Variants in PLCG2 observed in about 807,000 individuals in gnomAD.
PLCG2 encodes the protein 1-phosphatidylinositol 4,5-bisphosphate phosphodiesterase gamma-2.
PLCG2 carries 69 observed loss-of-function variants against 175.6 expected under a neutral mutation model. The observed-to-expected ratio is 0.39, with a 90% CI of 0.32 to 0.48. The LOEUF is 0.48. PLCG2 is among the 20% of genes least tolerant of loss of function. The pLI, the probability that PLCG2 is intolerant of heterozygous loss-of-function variation, is 0.91. For synonymous variants in PLCG2, 827 were observed against 624.0 expected (o/e 1.33, Z -4.85); for missense variants, 1,798 against 1,650.9 (o/e 1.09, Z -1.54).
intron 19 of PLCG2, among the ~76,000 whole-genome samples, chr16:81,913,167 T>C (rs190323307): frequency 1.6e-4 from 24 of 152,322 alleles, no homozygotes; most frequent in Admixed American, 1.5e-3. Context: ...CCTGTGGTTC[T>C]CTAATGTTAC....
chr16:81,765,850 C>T (rs1910138509), intron 2 of PLCG2, among the ~76,000 whole-genome samples: 1 of 152,182 alleles, frequency 6.6e-6, no homozygotes, highest in Non-Finnish European at 1.5e-5. Flanking sequence ...GGAATGTCCC[C>T]TGTGGACAGC....
At chr16:81,761,298 A>G (rs1910036317) in intron 2 of PLCG2, among the ~76,000 whole-genome samples, 1 of 152,212 alleles carries the variant, frequency 6.6e-6, no homozygotes, top group African/African-American at 2.4e-5. Flanking sequence ...CCAGGAGTTC[A>G]AGGATGCAGT....
chr16:81,935,894 A>G, intron 26 of PLCG2: 1 of 985,288 alleles, frequency 1.0e-6, no homozygotes, highest in Non-Finnish European at 1.2e-6. Context: ...TTTCTTGTTC[A>G]AGGATGGTGA....
chr16:81,940,898 G>A lies in PLCG2; in HGVS notation c.3481+839G>A, dbSNP rs532490980. Among the ~76,000 whole-genome samples, 8 of 152,300 alleles carry A rather than the reference G, an allele frequency of 5.3e-5. No individual in the cohort carries two copies. The East Asian group carries it at 1.5e-3, about 29-fold the overall frequency. On this transcript the variant is annotated intron_variant, in intron 30 of 32. Coordinates refer to ENST00000564138, the MANE Select transcript of PLCG2 (RefSeq NM_002661.5). ...GACAAATAGGCCCTTGCTGGATGTT[G>A]AATTTTCCTTCTTCCTCTTCCTTTA...
chr16:81,846,522 A>G (rs76486161), intron 2 of PLCG2, among the ~76,000 whole-genome samples: 4,959 of 152,328 alleles, frequency 0.033, 244 homozygotes, highest in African/African-American at 0.11. Context: ...GAGTTTTGCT[A>G]TATAGCATTT....
At chr16:81,856,411 C>T (rs1027583205) in intron 3 of PLCG2, among the ~76,000 whole-genome samples, 2 of 152,118 alleles carry the variant, frequency 1.3e-5, no homozygotes, top group Non-Finnish European at 2.9e-5. Flanking sequence ...CTTCCTTTTG[C>T]CAGATGCCAA....
At chr16:81,776,092 T>TCTTG (rs1473920823), upstream of PLCG2, among the ~76,000 whole-genome samples, 571 of 47,310 alleles carry the variant, frequency 0.012, 30 homozygotes, top group Non-Finnish European at 0.019. Flanking sequence ...TCTCTCTCTT[T>TCTTG]CTTTCTTTTT....
intron 2 of PLCG2, chr16:81,842,986 ATGGGTGGTGGGGGTGGGGTGGACC>A: frequency 1.6e-4 from 1 of 6,244 alleles, no homozygotes; most frequent in African/African-American, 7.0e-4. Flanking sequence ...GAGTGGAGGG[ATGGGTGGTGGGGGTGGGGTGGACC>A]TGGGAAGACC....
At chr16:81,936,558 A>G (rs754892318) in intron 27 of PLCG2, among the ~76,000 whole-genome samples, 180 bp downstream of exon 27, 3 of 152,222 alleles carry the variant, frequency 2.0e-5, no homozygotes, top group Non-Finnish European at 4.4e-5. Context: ...TGGAGGGATG[A>G]GAGGACCGAA....
chr16:81,796,211 C>T (rs750280063), intron 2 of PLCG2, among the ~76,000 whole-genome samples: 13 of 152,270 alleles, frequency 8.5e-5, no homozygotes, highest in Non-Finnish European at 1.8e-4. Flanking sequence ...ACAGCCTCAT[C>T]TGCCCTCTTG....
intron 2 of PLCG2, among the ~76,000 whole-genome samples, chr16:81,826,820 T>C (rs549640939): frequency 1.3e-5 from 2 of 152,362 alleles, no homozygotes; most frequent in Non-Finnish European, 2.9e-5. Flanking sequence ...TTTTCTAGTA[T>C]GACTCTCAAG....
intron 1 of PLCG2, among the ~76,000 whole-genome samples, chr16:81,783,471 G>A (rs1910835170): frequency 6.6e-6 from 1 of 152,078 alleles, no homozygotes; most frequent in African/African-American, 2.4e-5. Flanking sequence ...TTTTGAGAGT[G>A]GCAAGTACTG....
At chr16:81,837,485 C>T (rs1195382659) in intron 2 of PLCG2, among the ~76,000 whole-genome samples, 1 of 152,198 alleles carries the variant, frequency 6.6e-6, no homozygotes, top group African/African-American at 2.4e-5. Flanking sequence ...AGGCGGAGCC[C>T]AGAGGTGGCT....
At chr16:81,896,280 G>A (rs1003600733) in intron 13 of PLCG2, among the ~76,000 whole-genome samples, 4 of 151,998 alleles carry the variant, frequency 2.6e-5, no homozygotes, top group Non-Finnish European at 5.9e-5. Flanking sequence ...TGTAATCCCG[G>A]CACTTTGGGA....
intron 2 of PLCG2, among the ~76,000 whole-genome samples, chr16:81,850,509 G>A (rs1041234211): frequency 2.6e-5 from 4 of 152,144 alleles, no homozygotes; most frequent in African/African-American, 9.7e-5. Context: ...GTGCGTTCTT[G>A]GGCTCTCAGT....
chr16:81,858,293 T>G lies in PLCG2; in HGVS notation c.368T>G (p.Leu123Arg), dbSNP rs1418211455. 6.2e-7 allele frequency: 1 copy of G among 1,613,906 alleles called. No individual in the cohort carries two copies. The highest frequency in any genetic ancestry group is 1.3e-5 in the African/African-American group (1 of 75,050). ...TCTAAAGAGGATGCAGTTAACTGGCTCTCTGGCTTGAAAATCTTACACCAG... is the reference window on the plus strand; with the variant it reads ...TCTAAAGAGGATGCAGTTAACTGGCGCTCTGGCTTGAAAATCTTACACCAG... ...ADSKEDAVNW[L>R]SGLKILHQEA... Residue 123 changes from leucine (L) to arginine (R), a missense_variant, in exon 4 of 33, where the codon CTC (leucine) becomes CGC (arginine). Coordinates refer to ENST00000564138, the MANE Select transcript of PLCG2 (RefSeq NM_002661.5).
At chr16:81,943,727 G>C (rs538006533) in intron 30 of PLCG2, among the ~76,000 whole-genome samples, 129 of 152,282 alleles carry the variant, frequency 8.5e-4, no homozygotes, top group African/African-American at 3.0e-3. Context: ...CAAGAATTCT[G>C]AGTCTCTATC....
upstream of PLCG2, among the ~76,000 whole-genome samples, chr16:81,776,908 C>A (rs990536323): frequency 7.9e-5 from 12 of 152,032 alleles, no homozygotes; most frequent in African/African-American, 2.9e-4. Context: ...GATGAAGGGC[C>A]TCCAGTACTC....
chr16:81,928,043 G>A (rs1325264433), intron 23 of PLCG2, among the ~76,000 whole-genome samples: 1 of 151,834 alleles, frequency 6.6e-6, no homozygotes, highest in South Asian at 2.1e-4. Context: ...CCTAAGCCCA[G>A]GATATTCTTC....
Sources: gnomAD v4.1 joint callset for allele counts (sites outside exome capture counted in the v4.1 genomes callset) on GRCh38, gnomAD v4.1.1 for gene constraint, MANE v1.5 for transcripts, NCBI Gene and HGNC (gene_info 2026-07-23, HGNC 2026-07-21) for gene names.